The following RSPO2 variants were observed in gnomAD, a reference collection of about 807,000 sequenced individuals.
The protein encoded by RSPO2 is R-spondin-2.
In RSPO2, 14 loss-of-function variants were observed where a neutral mutation model predicts 30.9. The observed-to-expected ratio is 0.45, with a 90% confidence interval of 0.30 to 0.71. The LOEUF is 0.71. RSPO2 is among the 30% of genes least tolerant of loss of function. RSPO2 has a pLI of 0.08. For synonymous variants in RSPO2, 107 were observed against 96.4 expected, an observed-to-expected ratio of 1.11 and a Z score of -0.64; for missense variants, 264 against 301.9, an observed-to-expected ratio of 0.87 and a Z score of 0.93.
At chr8:107,972,151 CT>C (rs559178839) in intron 3 of RSPO2, among the ~76,000 whole-genome samples, 130 of 145,828 alleles carry the variant, frequency 8.9e-4, no homozygotes, top group Middle Eastern at 3.5e-3. Context: ...TAAACACAGT[CT>C]TTTTTTTTTT....
At chr8:108,019,780 C>A (rs533318559) in intron 2 of RSPO2, among the ~76,000 whole-genome samples, 1 of 152,218 alleles carries the variant, frequency 6.6e-6, no homozygotes, top group East Asian at 1.9e-4. Flanking sequence ...ATTTTTCTGA[C>A]AAATATAGTA....
At chr8:107,941,804 C>T (rs767647680) in intron 5 of RSPO2, among the ~76,000 whole-genome samples, 6 of 152,096 alleles carry the variant, frequency 3.9e-5, no homozygotes, top group Non-Finnish European at 8.8e-5. Flanking sequence ...GAAGTGAATT[C>T]TTTATAGTTA....
At chr8:108,034,299 A>G (rs946910918) in intron 2 of RSPO2, among the ~76,000 whole-genome samples, 2 of 152,348 alleles carry the variant, frequency 1.3e-5, no homozygotes, top group East Asian at 3.9e-4. Flanking sequence ...TGATTCAAAT[A>G]AACTATTTTA....
chr8:108,021,151 G>A (rs961046347), intron 2 of RSPO2, among the ~76,000 whole-genome samples: 2 of 152,074 alleles, frequency 1.3e-5, no homozygotes, highest in African/African-American at 4.8e-5. Flanking sequence ...TTAATAAAGA[G>A]AAAAATCCCT....
intron 5 of RSPO2, among the ~76,000 whole-genome samples, chr8:107,916,868 A>G (rs1017448826): frequency 2.6e-5 from 4 of 152,218 alleles, no homozygotes; most frequent in African/African-American, 9.6e-5. Flanking sequence ...GAAAATTGTA[A>G]AGCATCCTAA....
At chr8:108,018,633 C>T (rs976122515) in intron 2 of RSPO2, among the ~76,000 whole-genome samples, 13 of 152,144 alleles carry the variant, frequency 8.5e-5, no homozygotes, top group Admixed American at 8.5e-4. Flanking sequence ...TTTCTTTGTT[C>T]CCCTTTGCCA....
At chr8:107,962,651 A>C (rs1813665535) in intron 3 of RSPO2, among the ~76,000 whole-genome samples, 1 of 152,166 alleles carries the variant, frequency 6.6e-6, no homozygotes, top group African/African-American at 2.4e-5. Context: ...GTCAAACTAC[A>C]TGACCATTAT....
intron 5 of RSPO2, among the ~76,000 whole-genome samples, chr8:107,951,450 A>T (rs1813245032): frequency 6.6e-6 from 1 of 152,166 alleles, no homozygotes; most frequent in African/African-American, 2.4e-5. Context: ...AGGGGGAAAA[A>T]TATCTACCAC....
chr8:107,922,418 G>T (rs1267819273), intron 5 of RSPO2, among the ~76,000 whole-genome samples: 1 of 151,866 alleles, frequency 6.6e-6, no homozygotes, highest in African/African-American at 2.4e-5. Flanking sequence ...ACAAAACACT[G>T]CTCAGAGAAG....
chr8:107,992,939 G>A (rs1203393051), intron 2 of RSPO2, among the ~76,000 whole-genome samples: 1 of 152,030 alleles, frequency 6.6e-6, no homozygotes, highest in Non-Finnish European at 1.5e-5. Flanking sequence ...TTAACTAAAA[G>A]ATTAAACTCT....
chr8:107,917,244 G>T (rs1812010469), intron 5 of RSPO2, among the ~76,000 whole-genome samples: 1 of 152,088 alleles, frequency 6.6e-6, no homozygotes. Context: ...CAGCACTTAG[G>T]GAGGCCAAGG....
intron 2 of RSPO2, among the ~76,000 whole-genome samples, chr8:108,078,990 C>T (rs1813102464): frequency 6.6e-6 from 1 of 152,138 alleles, no homozygotes; most frequent in South Asian, 2.1e-4. Flanking sequence ...TTTGTCTATC[C>T]ACCTTTCAGT....
At chr8:107,943,991 T>G (rs557834888) in intron 5 of RSPO2, among the ~76,000 whole-genome samples, 2 of 152,182 alleles carry the variant, frequency 1.3e-5, no homozygotes, top group Non-Finnish European at 2.9e-5. Context: ...CTTTTACCAT[T>G]TATTTAGAGG....
chr8:108,058,479 C>T (rs887298587), intron 2 of RSPO2, among the ~76,000 whole-genome samples: 6 of 152,104 alleles, frequency 3.9e-5, no homozygotes, highest in Non-Finnish European at 7.4e-5. Context: ...ACTTTCTTCA[C>T]AGAATTGGAA....
intron 2 of RSPO2, among the ~76,000 whole-genome samples, chr8:108,023,774 G>A (rs1279054870): frequency 6.6e-6 from 1 of 152,170 alleles, no homozygotes; most frequent in Non-Finnish European, 1.5e-5. Context: ...CAATAAAAGA[G>A]CAAGTATTAA....
At chr8:108,020,314 G>A (rs1445932573) in intron 2 of RSPO2, among the ~76,000 whole-genome samples, 1 of 152,028 alleles carries the variant, frequency 6.6e-6, no homozygotes, top group African/African-American at 2.4e-5. Flanking sequence ...CTCTACCAAC[G>A]TACACGCCTT....
intron 2 of RSPO2, among the ~76,000 whole-genome samples, chr8:108,078,755 G>A (rs988739772): frequency 2.6e-5 from 4 of 152,148 alleles, no homozygotes; most frequent in Non-Finnish European, 5.9e-5. Context: ...GTACGGAAAA[G>A]GCTACGGAAA....
intron 5 of RSPO2, among the ~76,000 whole-genome samples, chr8:107,916,911 C>A (rs73700336): frequency 3.9e-5 from 6 of 152,040 alleles, no homozygotes; most frequent in Admixed American, 3.9e-4. Flanking sequence ...TATGGTCAAA[C>A]GAATTAAAAC....
intron 2 of RSPO2, among the ~76,000 whole-genome samples, chr8:108,039,861 A>G (rs1418050194): frequency 6.6e-6 from 1 of 152,072 alleles, no homozygotes; most frequent in Non-Finnish European, 1.5e-5. Flanking sequence ...TAGATCTCTC[A>G]TGAATGGGAT....
Sources: allele counts gnomAD v4.1 joint callset (sites outside exome capture counted in the v4.1 genomes callset), GRCh38; gene constraint gnomAD v4.1.1; transcripts MANE v1.5; gene names NCBI Gene and HGNC (gene_info 2026-07-23, HGNC 2026-07-21).